The following PDE4D variants were observed in gnomAD, a reference collection of about 807,000 sequenced individuals.
PDE4D encodes the protein phosphodiesterase 4D.
In PDE4D, 24 loss-of-function variants were observed where a neutral mutation model predicts 87.4. The ratio of observed to expected loss-of-function variants is 0.27; its 90% confidence interval spans 0.20 to 0.39. PDE4D has a LOEUF of 0.39. Ranked by LOEUF, PDE4D falls within the 10% of genes least tolerant of loss-of-function variation. The probability of loss-of-function intolerance (pLI) is 1.00; values close to 1 mark genes in which losing one functional copy is unlikely to be tolerated. For synonymous variants in PDE4D, 384 were observed against 383.2 expected (o/e 1.00, Z -0.02); for missense variants, 714 against 1,041.0 (o/e 0.69, Z 4.32).
intron 1 of PDE4D, among the ~76,000 whole-genome samples, chr5:59,753,999 C>G (rs1177423087): frequency 1.3e-5 from 2 of 152,100 alleles, no homozygotes; most frequent in African/African-American, 2.4e-5. Context: ...TCTGAAGTTT[C>G]TATCAACAGT....
chr5:60,292,850 G>A (rs1296211875), intron 1 of PDE4D, among the ~76,000 whole-genome samples: 1 of 152,106 alleles, frequency 6.6e-6, no homozygotes, highest in Non-Finnish European at 1.5e-5. Flanking sequence ...TCTAAGACTA[G>A]TTTCCATAAT....
At chr5:60,064,539 C>T (rs1771838065) in intron 2 of PDE4D, among the ~76,000 whole-genome samples, 2 of 152,068 alleles carry the variant, frequency 1.3e-5, no homozygotes, top group African/African-American at 4.8e-5. Context: ...TCTTATTTTG[C>T]ACCCTTCCAC....
chr5:59,482,883 T>C (rs898655291), intron 1 of PDE4D, among the ~76,000 whole-genome samples: 69 of 152,286 alleles, frequency 4.5e-4, no homozygotes, highest in African/African-American at 1.6e-3. Flanking sequence ...ACTGGGTCAC[T>C]GGGTGCCCAG....
intron 2 of PDE4D, among the ~76,000 whole-genome samples, chr5:59,194,271 T>C (rs1489445994): frequency 2.0e-5 from 3 of 152,210 alleles, no homozygotes; most frequent in Non-Finnish European, 4.4e-5. Context: ...TGGTATTTCT[T>C]AGCATGAATA....
At chr5:59,183,602 A>G (rs1371853397) in intron 4 of PDE4D, among the ~76,000 whole-genome samples, 1 of 152,192 alleles carries the variant, frequency 6.6e-6, no homozygotes, top group African/African-American at 2.4e-5. Flanking sequence ...AGTGACAACC[A>G]GTTAACTTCA....
intron 1 of PDE4D, among the ~76,000 whole-genome samples, chr5:59,437,574 C>T (rs1796960237): frequency 1.3e-5 from 2 of 152,222 alleles, no homozygotes; most frequent in South Asian, 2.1e-4. Flanking sequence ...GCAAACAAGG[C>T]TCTATATTTG....
intron 6 of PDE4D, among the ~76,000 whole-genome samples, chr5:59,010,390 A>ATTAT (rs1300169478): frequency 1.2e-4 from 18 of 149,010 alleles, no homozygotes; most frequent in African/African-American, 3.9e-4. Flanking sequence ...TTTAAGTATT[A>ATTAT]TTATTTTATT....
chr5:60,212,149 T>C (rs891821605), intron 1 of PDE4D, among the ~76,000 whole-genome samples: 35 of 151,458 alleles, frequency 2.3e-4, no homozygotes, highest in African/African-American at 7.1e-4. Context: ...ATAGTAGCTC[T>C]TTGTCATTAT....
chr5:59,912,952 T>TCC (rs1211162107), intron 3 of PDE4D, among the ~76,000 whole-genome samples: 2 of 152,150 alleles, frequency 1.3e-5, no homozygotes, highest in African/African-American at 4.8e-5. Flanking sequence ...AGAGAAGACC[T>TCC]CCCTGACAAG....
chr5:59,321,353 T>C (rs752441814), intron 1 of PDE4D, among the ~76,000 whole-genome samples: 14 of 152,084 alleles, frequency 9.2e-5, no homozygotes, highest in Non-Finnish European at 1.8e-4. Context: ...CTAGACAAGA[T>C]TTTTATGCTT....
chr5:60,162,487 G>C (rs1378932734), intron 2 of PDE4D, among the ~76,000 whole-genome samples: 2 of 152,066 alleles, frequency 1.3e-5, no homozygotes, highest in African/African-American at 4.8e-5. Context: ...TTGTTTGGAG[G>C]TTTTGTGTAT....
intron 1 of PDE4D, among the ~76,000 whole-genome samples, chr5:59,792,647 T>C (rs554970422): frequency 1.1e-4 from 17 of 152,152 alleles, no homozygotes; most frequent in South Asian, 8.3e-4. Context: ...CAAAGGAGTT[T>C]GGACATTTTC....
At chr5:59,365,200 T>C (rs1782857668) in intron 1 of PDE4D, among the ~76,000 whole-genome samples, 1 of 152,190 alleles carries the variant, frequency 6.6e-6, no homozygotes, top group Non-Finnish European at 1.5e-5. Context: ...AGCTCATGCC[T>C]GTAATCCCAG....
intron 1 of PDE4D, among the ~76,000 whole-genome samples, chr5:59,757,398 A>G (rs901812017): frequency 1.3e-5 from 2 of 152,222 alleles, no homozygotes; most frequent in African/African-American, 4.8e-5. Flanking sequence ...ACTATTTCTG[A>G]GAAGAAAGAC....
intron 1 of PDE4D, among the ~76,000 whole-genome samples, chr5:59,867,958 A>G (rs954649231): frequency 6.6e-6 from 1 of 152,192 alleles, no homozygotes; most frequent in African/African-American, 2.4e-5. Context: ...TTTACTGGTC[A>G]TGAGTATCTT....
chr5:59,274,646 A>C (rs1764463378), intron 1 of PDE4D, among the ~76,000 whole-genome samples: 1 of 152,140 alleles, frequency 6.6e-6, no homozygotes, highest in Non-Finnish European at 1.5e-5. Context: ...AAAAAAAGTT[A>C]CTTTGTTGGA....
At chr5:60,142,219 A>G (rs1044505966) in intron 2 of PDE4D, among the ~76,000 whole-genome samples, 6 of 139,866 alleles carry the variant, frequency 4.3e-5, no homozygotes, top group Non-Finnish European at 1.6e-5. Flanking sequence ...GATGGGAGGG[A>G]GAGAGGGAGG....
chr5:59,070,279 C>G (rs1260636621), intron 5 of PDE4D, among the ~76,000 whole-genome samples: 1 of 151,986 alleles, frequency 6.6e-6, no homozygotes, highest in African/African-American at 2.4e-5. Context: ...GTTATAGATG[C>G]AAATAGTTTA....
intron 1 of PDE4D, among the ~76,000 whole-genome samples, chr5:60,321,137 C>G (rs867424202): frequency 6.6e-6 from 1 of 152,216 alleles, no homozygotes; most frequent in East Asian, 1.9e-4. Context: ...ATCGTATTAT[C>G]TGACTTCAAA....
Sources: allele counts gnomAD v4.1 joint callset (sites outside exome capture counted in the v4.1 genomes callset), GRCh38; gene constraint gnomAD v4.1.1; transcripts MANE v1.5; gene names NCBI Gene and HGNC (gene_info 2026-07-23, HGNC 2026-07-21).